Variants in SLC25A21 observed in about 807,000 individuals in gnomAD.
SLC25A21 encodes mitochondrial 2-oxodicarboxylate carrier.
A neutral mutation model predicts 43.8 loss-of-function variants in SLC25A21; 47 were observed. The observed-to-expected ratio is 1.07, with a 90% CI of 0.85 to 1.37. The LOEUF is 1.37. Ranked by LOEUF, SLC25A21 falls within the 40% of genes most tolerant of loss-of-function variation. The pLI is 0.00. For missense variants in SLC25A21, 352 were observed against 350.2 expected (o/e 1.00, Z -0.04); for synonymous variants, 131 against 121.3 (o/e 1.08, Z -0.52).
chr14:36,850,914 C>G (rs1463625108), intron 2 of SLC25A21, among the ~76,000 whole-genome samples: 1 of 152,182 alleles, frequency 6.6e-6, no homozygotes, highest in Non-Finnish European at 1.5e-5. Context: ...CCACGGCTGG[C>G]AACAGAGAGT....
In SLC25A21 at chr14:36,679,180, T is replaced by A. The variant is rs1048200; in HGVS notation, c.*1478A>T. ...TGCAACAGAGACACATTCTTATTTC[T>A]TTTTTTTCACAATTTTGTTTTGTTT... On this transcript the variant is annotated 3_prime_UTR_variant, in exon 10 of 10. Transcript: ENST00000331299. 0.5 allele frequency: 496,528 copies of A among 984,044 alleles called. 126,038 individuals carry two copies. The highest frequency in any genetic ancestry group is 0.61 in the Admixed American group (9,918 of 16,196). The allele number at this position is 984,044 out of a possible 1,614,324, so 61.0% of individuals were successfully genotyped here.
intron 1 of SLC25A21, among the ~76,000 whole-genome samples, chr14:36,939,738 T>C (rs1402431846): frequency 6.6e-6 from 1 of 152,094 alleles, no homozygotes; most frequent in Non-Finnish European, 1.5e-5. Context: ...CTACTTACGT[T>C]TTATTAAGCT....
intron 1 of SLC25A21, among the ~76,000 whole-genome samples, chr14:37,005,227 G>A (rs1960575393): frequency 4.0e-5 from 6 of 148,528 alleles, no homozygotes; most frequent in Admixed American, 3.5e-4. Context: ...CACACACCAC[G>A]ATAAAAAGAA....
rs977943736 is a variant in SLC25A21 at position 37,016,190 on chromosome 14, T to G, written c.71-141186A>C. On this transcript the variant is annotated intron_variant, in intron 1 of 9. Transcript: ENST00000331299. ...TATGGTTTTAGGTCTAACGTTTAAG[T>G]CTTTAATCCATCTTGAATTAATTTT... 1.2e-4 allele frequency among the ~76,000 whole-genome samples: 18 copies of G among 152,290 alleles called. No individual in the cohort carries two copies. The South Asian group carries it at 1.9e-3, about 16-fold the overall frequency.
At chr14:36,694,459 C>A (rs1882930274) in intron 7 of SLC25A21, among the ~76,000 whole-genome samples, 1 of 152,166 alleles carries the variant, frequency 6.6e-6, no homozygotes, top group South Asian at 2.1e-4. Flanking sequence ...AATGGTAATT[C>A]TAGTTCTAGA....
At chr14:36,702,525 A>T (rs1883324942) in intron 7 of SLC25A21, among the ~76,000 whole-genome samples, 1 of 151,512 alleles carries the variant, frequency 6.6e-6, no homozygotes, top group Non-Finnish European at 1.5e-5. Flanking sequence ...AAAAAAGAAA[A>T]CGGACTTCCC....
chr14:37,027,852 AC>A (rs1961126477), intron 1 of SLC25A21, among the ~76,000 whole-genome samples: 1 of 152,166 alleles, frequency 6.6e-6, no homozygotes, highest in Non-Finnish European at 1.5e-5. Context: ...AAATCATCCA[AC>A]TTTTTAATTT....
intron 1 of SLC25A21, among the ~76,000 whole-genome samples, chr14:36,985,383 G>A (rs1836544149): frequency 1.3e-5 from 2 of 151,480 alleles, no homozygotes; most frequent in South Asian, 2.1e-4. Context: ...TGTGAACCAT[G>A]GTTAAAAATA....
chr14:36,698,785 CT>C (rs1883150896), intron 7 of SLC25A21, among the ~76,000 whole-genome samples: 1 of 152,170 alleles, frequency 6.6e-6, no homozygotes, highest in Non-Finnish European at 1.5e-5. Flanking sequence ...AAGGTCTTCT[CT>C]ACACTGTTTA....
intron 1 of SLC25A21, among the ~76,000 whole-genome samples, chr14:37,013,800 T>A (rs1960787061): frequency 6.6e-6 from 1 of 152,104 alleles, no homozygotes; most frequent in Admixed American, 6.6e-5. Flanking sequence ...ATTTTCTTTT[T>A]CTGAAGTACA....
intron 1 of SLC25A21, among the ~76,000 whole-genome samples, chr14:36,961,316 A>G (rs993695526): frequency 6.6e-6 from 1 of 151,628 alleles, no homozygotes; most frequent in African/African-American, 2.4e-5. Flanking sequence ...GGTTCACGCC[A>G]TTCTCCTGCC....
intron 1 of SLC25A21, among the ~76,000 whole-genome samples, chr14:36,915,263 T>C (rs1184287955): frequency 6.6e-6 from 1 of 152,214 alleles, no homozygotes; most frequent in Admixed American, 6.6e-5. Context: ...AATTCTACTA[T>C]GAGCTGTGAG....
intron 3 of SLC25A21, among the ~76,000 whole-genome samples, chr14:36,768,694 C>T (rs1462759258): frequency 6.6e-6 from 1 of 152,150 alleles, no homozygotes; most frequent in Non-Finnish European, 1.5e-5. Flanking sequence ...CCTTCCATGT[C>T]TGCAAAGTAA....
chr14:36,982,519 G>A (rs1250912839), intron 1 of SLC25A21, among the ~76,000 whole-genome samples: 1 of 152,064 alleles, frequency 6.6e-6, no homozygotes, highest in Non-Finnish European at 1.5e-5. Flanking sequence ...TATTTATTAG[G>A]TGGACTGATT....
chr14:37,099,248 C>A (rs1962769787), intron 1 of SLC25A21, among the ~76,000 whole-genome samples: 1 of 152,102 alleles, frequency 6.6e-6, no homozygotes, highest in South Asian at 2.1e-4. Flanking sequence ...CATTTCTCAG[C>A]CTTTTCTTTG....
chr14:36,800,851 C>CT (rs907876816), intron 3 of SLC25A21, among the ~76,000 whole-genome samples: 12 of 152,000 alleles, frequency 7.9e-5, no homozygotes, highest in Non-Finnish European at 1.6e-4. Context: ...GTTAGTTTGT[C>CT]TTTTTTATTC....
chr14:36,684,830 A>G lies in SLC25A21; in HGVS notation c.699T>C (p.Ser233=). Reference sequence around the variant, plus strand: ...GAACTGGTTGAGGCCCTTGAATCCTACTTTTGGCAACATCAAAAGGGATGT... The same window carrying G: ...GAACTGGTTGAGGCCCTTGAATCCTGCTTTTGGCAACATCAAAAGGGATGT... ...VINIPFDVAK[S]RIQGPQPVPG... Residue 233 remains serine, a synonymous_variant, in exon 8 of 10, where the codon AGT becomes AGC. Coordinates refer to ENST00000331299, the MANE Select transcript of SLC25A21 (RefSeq NM_030631.4). The G allele has an allele frequency of 6.2e-7, 1 of 1,614,120 alleles. No individual in the cohort carries two copies. Among genetic ancestry groups the G allele is most frequent in the Non-Finnish European group, 8.5e-7 (1 of 1,180,000 alleles).
intron 2 of SLC25A21, among the ~76,000 whole-genome samples, chr14:36,816,734 G>A (rs1005747203): frequency 2.0e-5 from 3 of 152,102 alleles, no homozygotes; most frequent in South Asian, 2.1e-4. Flanking sequence ...GAACTTCTGG[G>A]CTCAAGCAAT....
intron 2 of SLC25A21, among the ~76,000 whole-genome samples, chr14:36,823,997 T>C (rs141245699): frequency 0.012 from 1,780 of 152,316 alleles, 111 homozygotes; most frequent in Admixed American, 0.1. Context: ...ACCCTCTCAC[T>C]GTCCCTGGGA....
Sources: gnomAD v4.1 joint callset for allele counts (sites outside exome capture counted in the v4.1 genomes callset) on GRCh38, gnomAD v4.1.1 for gene constraint, MANE v1.5 for transcripts, NCBI Gene and HGNC (gene_info 2026-07-23, HGNC 2026-07-21) for gene names.